The following LIMCH1 variants were observed in gnomAD, a reference collection of about 807,000 sequenced individuals.
LIMCH1 encodes the protein LIM and calponin homology domains 1, also known as LIM and calponin homology domains-containing protein 1.
In LIMCH1, 113 loss-of-function variants were observed where a neutral mutation model predicts 176.5. The ratio of observed to expected loss-of-function variants is 0.64; its 90% CI spans 0.55 to 0.75. The LOEUF (loss-of-function observed/expected upper bound fraction) is 0.75, where lower values mean the gene tolerates loss of function less well. Among genes scored for constraint, LIMCH1 ranks in the 30% least tolerant of loss-of-function variants. The pLI is 0.00. For synonymous variants in LIMCH1, 619 were observed against 645.9 expected (o/e 0.96, Z 0.63); for missense variants, 1,674 against 1,814.9 (o/e 0.92, Z 1.41).
chr4:41,487,604 G>A (rs2069854039), intron 1 of LIMCH1, among the ~76,000 whole-genome samples: 1 of 151,258 alleles, frequency 6.6e-6, no homozygotes, highest in Admixed American at 6.6e-5. Context: ...AATTTTAAGT[G>A]GTACATGAAC....
intron 1 of LIMCH1, among the ~76,000 whole-genome samples, chr4:41,447,905 A>G (rs1245915491): frequency 6.6e-6 from 1 of 152,064 alleles, no homozygotes; most frequent in African/African-American, 2.4e-5. Context: ...ATTCTCCTGC[A>G]TCAGCCTGCC....
intron 1 of LIMCH1, among the ~76,000 whole-genome samples, chr4:41,377,466 A>T (rs2054938794): frequency 6.6e-6 from 1 of 152,138 alleles, no homozygotes; most frequent in South Asian, 2.1e-4. Flanking sequence ...AGAGGAGTGG[A>T]TATTTTTCCA....
intron 1 of LIMCH1, among the ~76,000 whole-genome samples, chr4:41,475,510 G>A (rs2067590870): frequency 6.6e-6 from 1 of 152,192 alleles, no homozygotes; most frequent in Admixed American, 6.5e-5. Context: ...GCTAAGGTGG[G>A]AATGTTGAAA....
chr4:41,642,822 G>T (rs1258323496), intron 14 of LIMCH1, among the ~76,000 whole-genome samples: 4 of 146,580 alleles, frequency 2.7e-5, no homozygotes, highest in African/African-American at 5.1e-5. Flanking sequence ...CAAGTGATCT[G>T]CCCACCTTGG....
chr4:41,500,666 G>T (rs1260571763), intron 2 of LIMCH1, among the ~76,000 whole-genome samples: 1 of 152,182 alleles, frequency 6.6e-6, no homozygotes, highest in African/African-American at 2.4e-5. Context: ...CAGATGTCCT[G>T]CCCTGGCCAA....
intron 1 of LIMCH1, among the ~76,000 whole-genome samples, chr4:41,597,976 C>A (rs1484404432): frequency 6.6e-6 from 1 of 152,170 alleles, no homozygotes; most frequent in Non-Finnish European, 1.5e-5. Flanking sequence ...ACCATCGTTT[C>A]AGATTTTTGT....
chr4:41,366,090 T>A (rs557060039), intron 1 of LIMCH1, among the ~76,000 whole-genome samples: 38 of 152,342 alleles, frequency 2.5e-4, no homozygotes, highest in African/African-American at 8.4e-4. Flanking sequence ...GAAATTGGCC[T>A]GGCAGCTTCT....
chr4:41,375,648 C>G (rs936929949), intron 1 of LIMCH1, among the ~76,000 whole-genome samples: 7 of 152,166 alleles, frequency 4.6e-5, no homozygotes, highest in African/African-American at 1.7e-4. Flanking sequence ...ACCGGACACT[C>G]CGGGTCCAGG....
upstream of LIMCH1, among the ~76,000 whole-genome samples, chr4:41,537,250 A>C (rs1354032795): frequency 1.3e-5 from 2 of 152,230 alleles, no homozygotes; most frequent in East Asian, 3.8e-4. Flanking sequence ...GGTTGTAAAC[A>C]TTGTGTTTTA....
chr4:41,407,613 G>A (rs1200758638), intron 1 of LIMCH1, among the ~76,000 whole-genome samples: 1 of 152,164 alleles, frequency 6.6e-6, no homozygotes, highest in Non-Finnish European at 1.5e-5. Flanking sequence ...GTTGTCACGT[G>A]GCCAATCCGT....
Position 41,626,926 on chromosome 4 carries a change from A to T in LIMCH1, c.944A>T (p.Tyr315Phe). The change falls in exon 8 of 32, where the codon TAT becomes TTT. Residue 315 changes from tyrosine to phenylalanine, a missense_variant. By Grantham distance (22) the Tyr-to-Phe change is conservative. Transcript: ENST00000503057. ...TTAAATCAACTCCTCTATGGCCCTT[A>T]TCCAAAGAAAGGGGCAGAGAAATCA... ...VPLNQLLYGP[Y>F]PKKGAEKSDG... 2.0e-6 allele frequency: 3 copies of T among 1,536,176 alleles called. No individual in the cohort carries two copies. In the South Asian group the frequency reaches 3.6e-5, roughly 18 times the overall value.
chr4:41,547,787 A>G (rs1199100077), intron 1 of LIMCH1, among the ~76,000 whole-genome samples: 3 of 144,734 alleles, frequency 2.1e-5, no homozygotes, highest in African/African-American at 7.5e-5. Context: ...TATAATATAC[A>G]TATATTATAA....
chr4:41,686,197 T>C (rs972887247), intron 28 of LIMCH1, among the ~76,000 whole-genome samples: 3 of 152,180 alleles, frequency 2.0e-5, no homozygotes, highest in Admixed American at 2.0e-4. Flanking sequence ...ATTATTATGC[T>C]CTCCTGTAAG....
At chr4:41,553,789 G>A (rs932794594) in intron 1 of LIMCH1, among the ~76,000 whole-genome samples, 4 of 152,114 alleles carry the variant, frequency 2.6e-5, no homozygotes, top group Admixed American at 2.6e-4. Flanking sequence ...CTTGGATCCA[G>A]GGACTGGAGG....
intron 1 of LIMCH1, among the ~76,000 whole-genome samples, chr4:41,379,245 G>A (rs977992292): frequency 6.6e-6 from 1 of 152,136 alleles, no homozygotes; most frequent in Non-Finnish European, 1.5e-5. Context: ...TTCTAAGATG[G>A]CTCCCTCATG....
At chr4:41,610,366 G>A (rs987379248) in intron 4 of LIMCH1, among the ~76,000 whole-genome samples, 1 of 152,168 alleles carries the variant, frequency 6.6e-6, no homozygotes, top group Non-Finnish European at 1.5e-5. Flanking sequence ...CTCCCTGAGT[G>A]TCTGCCTTCC....
intron 1 of LIMCH1, among the ~76,000 whole-genome samples, chr4:41,569,524 A>C (rs2083237836): frequency 6.6e-6 from 1 of 152,192 alleles, no homozygotes; most frequent in African/African-American, 2.4e-5. Context: ...GGAAACGCGA[A>C]GTAAAAGAAT....
chr4:41,665,660 G>A (rs953567346), intron 20 of LIMCH1, among the ~76,000 whole-genome samples: 3 of 151,944 alleles, frequency 2.0e-5, no homozygotes, highest in African/African-American at 7.3e-5. Flanking sequence ...AAGGTCCTGC[G>A]AGCAGCTGAA....
chr4:41,614,650 T>C (rs954866592), intron 5 of LIMCH1, among the ~76,000 whole-genome samples: 2 of 152,224 alleles, frequency 1.3e-5, no homozygotes, highest in South Asian at 4.1e-4. Flanking sequence ...TCTAAGTTAA[T>C]TCCTTGGTAC....
Sources: gnomAD v4.1 joint callset for allele counts (sites outside exome capture counted in the v4.1 genomes callset) on GRCh38, gnomAD v4.1.1 for gene constraint, MANE v1.5 for transcripts, NCBI Gene and HGNC (gene_info 2026-07-23, HGNC 2026-07-21) for gene names.